Variants in SIN3B observed in about 807,000 individuals in gnomAD.
SIN3B encodes SIN3 transcription regulator family member B, also known as paired amphipathic helix protein Sin3b.
Under a neutral mutation model 120.2 loss-of-function variants are expected in SIN3B, and 19 were observed. The observed-to-expected ratio is 0.16, with a 90% confidence interval of 0.11 to 0.23. The LOEUF (loss-of-function observed/expected upper bound fraction) is 0.23, where lower values mean the gene tolerates loss of function less well. Among genes scored for constraint, SIN3B ranks in the 10% least tolerant of loss-of-function variants. SIN3B has a pLI of 1.00. For synonymous variants in SIN3B, 654 were observed against 653.2 expected, an observed-to-expected ratio of 1.00 and a Z score of -0.02; for missense variants, 1,073 against 1,573.0, an observed-to-expected ratio of 0.68 and a Z score of 5.38.
chr19:16,839,239 A>T (rs1971386943), intron 3 of SIN3B, among the ~76,000 whole-genome samples: 1 of 152,144 alleles, frequency 6.6e-6, no homozygotes. Context: ...AAGTGCTAGA[A>T]TTACAGGTGT....
chr19:16,834,330 G>T (rs926800641), intron 3 of SIN3B, among the ~76,000 whole-genome samples: 8 of 152,218 alleles, frequency 5.3e-5, no homozygotes, highest in Admixed American at 1.3e-4. Flanking sequence ...CGTCCTGCAT[G>T]TGGAAATTGC....
chr19:16,868,909 G>T (rs553901764), intron 12 of SIN3B, among the ~76,000 whole-genome samples: 1 of 152,306 alleles, frequency 6.6e-6, no homozygotes, highest in East Asian at 1.9e-4. Flanking sequence ...CAGGTCTTCA[G>T]ATGTGAGCAG....
chr19:16,851,319 G>A, intron 5 of SIN3B, 93 bp from the exon 6 acceptor site: 9 of 1,432,002 alleles, frequency 6.3e-6, no homozygotes, highest in Non-Finnish European at 7.4e-6. Context: ...TTGCCCACCG[G>A]GCTGTGGGCT....
At chr19:16,830,420 A>G (rs1971264286) in intron 2 of SIN3B, among the ~76,000 whole-genome samples, 2 of 152,158 alleles carry the variant, frequency 1.3e-5, no homozygotes, top group East Asian at 1.9e-4. Flanking sequence ...TTTAAAACAC[A>G]TGAGATGATT....
chr19:16,865,168 C>A (rs1419081274), intron 10 of SIN3B: 1 of 509,128 alleles, frequency 2.0e-6, no homozygotes, highest in East Asian at 3.3e-5. Context: ...GTGGTGCACA[C>A]CTATATTCCT....
intron 8 of SIN3B, chr19:16,855,412 A>G (rs1395733183): frequency 8.3e-6 from 1 of 119,910 alleles, no homozygotes; most frequent in Non-Finnish European, 1.6e-5. Flanking sequence ...GATTCACCTG[A>G]TAAATACTTT....
intron 11 of SIN3B, among the ~76,000 whole-genome samples, chr19:16,866,080 T>C (rs1370268123): frequency 6.6e-6 from 1 of 152,142 alleles, no homozygotes; most frequent in South Asian, 2.1e-4. Flanking sequence ...GTCCCTCTCT[T>C]GGGACTCACA....
chr19:16,838,313 C>A (rs916312712), intron 3 of SIN3B, among the ~76,000 whole-genome samples: 1 of 152,174 alleles, frequency 6.6e-6, no homozygotes, highest in Non-Finnish European at 1.5e-5. Flanking sequence ...TAACATCACC[C>A]CAGGATCAAA....
intron 3 of SIN3B, among the ~76,000 whole-genome samples, chr19:16,837,619 C>T (rs1413727657): frequency 6.6e-6 from 1 of 151,408 alleles, no homozygotes; most frequent in African/African-American, 2.4e-5. Flanking sequence ...GTAACAAGGA[C>T]TGGAGAGGGA....
Position 16,876,429 on chromosome 19 carries a change from CGCTGTGCCGGCTGG to C in SIN3B, c.2767-45_2767-32del. On this transcript the variant is annotated intron_variant, in intron 15 of 18. Transcript: ENST00000248054. This position sits in a 1 kb window ranked among gnomAD's most constrained non-coding sequence, Gnocchi z 7.1. ...GGAGGCGGGTGGCCTTGCGAGCCTG[CGCTGTGCCGGCTGG>C]GCTGTGCCGGCAGTGGAGGCTGTCA... The C allele has an allele frequency of 8.9e-6, 14 of 1,569,708 alleles. No individual in the cohort carries two copies. The South Asian group carries it at 1.5e-4, about 16-fold the overall frequency.
intron 10 of SIN3B, 101 bp downstream of exon 10, chr19:16,863,897 A>T: frequency 1.2e-6 from 1 of 819,046 alleles, no homozygotes. Context: ...TCTCGTTTGG[A>T]GGAGCAGGAA....
rs760841337 is a variant in SIN3B, at chr19:16,854,105, C to T, written c.940-38C>T. ...TGAGCCAGGCCCAGAGGCTGAGGAGCAGGGGTTCACAGTGGTCCCTGACTG... is the reference window on the plus strand; with the variant it reads ...TGAGCCAGGCCCAGAGGCTGAGGAGTAGGGGTTCACAGTGGTCCCTGACTG... On this transcript the variant is annotated intron_variant, in intron 7 of 18. Coordinates refer to ENST00000248054, the MANE Select transcript of SIN3B (RefSeq NM_001297595.2). 3.3e-6 allele frequency: 5 copies of T among 1,511,896 alleles called. No individual in the cohort carries two copies. The Admixed American group carries it at 8.7e-5, about 26-fold the overall frequency. 93.7% of individuals were successfully genotyped at this position (1,511,896 alleles called of 1,614,324 possible).
At chr19:16,875,003 G>A (rs2051570385) in intron 14 of SIN3B, among the ~76,000 whole-genome samples, 1 of 147,418 alleles carries the variant, frequency 6.8e-6, no homozygotes, top group Non-Finnish European at 1.5e-5. Context: ...GGTTTGGTTT[G>A]GTTAGGTTTT....
rs2051476253 is a variant in SIN3B, at chr19:16,869,494, C to G, written c.1841C>G (p.Pro614Arg). 6.2e-7 allele frequency: 1 copy of G among 1,612,628 alleles called. No individual in the cohort carries two copies. The highest frequency in any genetic ancestry group is 8.5e-7 in the Non-Finnish European group (1 of 1,179,298). ...CAGCACTCGGAGGGCCGCAGTGCCC[C>G]CTCTAGCGAGCCGCACCTCATCTTT... ...QEQHSEGRSA[P>R]SSEPHLIFVY... The change falls in exon 13 of 19, where the codon CCC becomes CGC. Residue 614 changes from proline (P) to arginine (R), a missense_variant. Physicochemically the swap from Pro to Arg is moderately radical, Grantham distance 103 (BLOSUM62 -2). This residue lies in a region of SIN3B where 169 missense variants were observed against 207.3 expected (regional missense o/e 0.82). Transcript: ENST00000248054.
intron 4 of SIN3B, 93 bp from the exon 5 acceptor site, chr19:16,846,877 T>C (rs1971485943): frequency 7.4e-7 from 1 of 1,359,342 alleles, no homozygotes; most frequent in African/African-American, 1.4e-5. Context: ...AGAGTCATCC[T>C]GTCCCCTTCA....
Position 16,873,522 on chromosome 19 carries a change from T to TC in SIN3B, c.2592+2136dup, listed in dbSNP as rs36078258. Among the ~76,000 whole-genome samples the TC allele has an allele frequency of 4.5e-3, 503 of 112,736 alleles. 2 individuals are homozygous for TC. Among genetic ancestry groups the TC allele is most frequent in the South Asian group, 9.2e-3 (31 of 3,366 alleles). The allele number at this position is 112,736 out of a possible 152,430, so 74.0% of individuals were successfully genotyped here. A position where few individuals can be genotyped will look rare whatever the true frequency, so the allele number is the denominator to read the frequency against. On this transcript the variant is annotated intron_variant, in intron 14 of 18. Coordinates refer to ENST00000248054, the MANE Select transcript of SIN3B (RefSeq NM_001297595.2). The stretch of plus-strand genomic sequence containing the variant: ...GCCAGGGGGCTGGCAGTCTGTCCCC[T>TC]CCCCCCCCCCCCAGGCTGGGCACCC...
intron 3 of SIN3B, 24 bp from the exon 4 acceptor site, chr19:16,841,744 A>G (rs774374526): frequency 5.6e-6 from 9 of 1,608,200 alleles, no homozygotes; most frequent in Non-Finnish European, 7.7e-6. Flanking sequence ...CGGGCCTGGC[A>G]GTAACTCATT....
At chr19:16,852,010 G>A (rs1971552482) in intron 6 of SIN3B, among the ~76,000 whole-genome samples, 1 of 152,130 alleles carries the variant, frequency 6.6e-6, no homozygotes, top group South Asian at 2.1e-4. Context: ...GAACTTTGTC[G>A]TCCTCCCATT....
At chr19:16,851,328 C>T in intron 5 of SIN3B, 84 bp from the exon 6 acceptor site, 1 of 1,461,454 alleles carries the variant, frequency 6.8e-7, no homozygotes, top group Non-Finnish European at 9.1e-7. Flanking sequence ...GGGCTGTGGG[C>T]TGAGCTGGAA....
Sources: allele counts gnomAD v4.1 joint callset (sites outside exome capture counted in the v4.1 genomes callset), GRCh38; gene constraint gnomAD v4.1.1; regional missense constraint gnomAD v4.1.1; non-coding constraint Gnocchi (gnomAD v3.1); transcripts MANE v1.5; gene names NCBI Gene and HGNC (gene_info 2026-07-23, HGNC 2026-07-21).